Variants in FBN1 observed in about 807,000 individuals in gnomAD.
FBN1 encodes the protein fibrillin-1.
A neutral mutation model predicts 365.1 loss-of-function variants in FBN1; 29 were observed. The observed-to-expected ratio is 0.08, with a 90% CI of 0.06 to 0.11. The LOEUF is 0.11. Ranked by LOEUF, FBN1 falls within the 10% of genes least tolerant of loss-of-function variation. The pLI is 1.00. For missense variants in FBN1, 2,476 were observed against 3,703.2 expected (o/e 0.67, Z 8.60); for synonymous variants, 1,210 against 1,270.5 (o/e 0.95, Z 1.01).
At chr15:48,569,871 T>C (rs939041535) in intron 6 of FBN1, among the ~76,000 whole-genome samples, 1 of 152,114 alleles carries the variant, frequency 6.6e-6, no homozygotes, top group Non-Finnish European at 1.5e-5. Context: ...TAGATTGTGG[T>C]AATGGTTGCA....
chr15:48,644,412 G>C (rs770666320), intron 2 of FBN1, 194 bp downstream of exon 2: 127 of 734,334 alleles, frequency 1.7e-4, no homozygotes, highest in Admixed American at 4.5e-4. Context: ...CTCTCCTTTG[G>C]GGCAGAAATC....
Position 48,485,361 on chromosome 15 carries a change from A to G in FBN1, c.3712+13T>C, listed in dbSNP as rs747626560. The stretch of plus-strand genomic sequence containing the variant: ...CTACTGAGAGATTCAACATGAGGCT[A>G]GAACCTACTCACCGGTGCATGATCT... On this transcript the variant is annotated intron_variant, in intron 30 of 65. Coordinates refer to ENST00000316623, the MANE Select transcript of FBN1 (RefSeq NM_000138.5). The G allele has an allele frequency of 6.2e-7, 1 of 1,614,218 alleles. No homozygotes were observed. Among genetic ancestry groups the G allele is most frequent in the Admixed American group, 1.7e-5 (1 of 60,036 alleles).
chr15:48,620,055 A>G (rs1442646995), intron 2 of FBN1, among the ~76,000 whole-genome samples: 2 of 152,192 alleles, frequency 1.3e-5, no homozygotes, highest in African/African-American at 4.8e-5. Flanking sequence ...CCTGAGAGCC[A>G]TGGTCGGGGG....
chr15:48,468,019 C>T lies in FBN1; in HGVS notation c.4666G>A (p.Gly1556Ser), dbSNP rs766722922. 1 of 1,614,070 alleles carries T rather than the reference C, an allele frequency of 6.2e-7. No individual in the cohort carries two copies. Among genetic ancestry groups the T allele is most frequent in the Non-Finnish European group, 8.5e-7 (1 of 1,179,968 alleles). ...DTACSNEIGV[G>S]VSKASCCCSL... ...CAGCAGCAGGAAGCTTTGGAAACAC[C>T]AACTCCAATTTCATTGCTGCAGGCT... Residue 1556 changes from glycine (G) to serine (S), a missense_variant, in exon 38 of 66, where the codon GGT becomes AGT. Gly to Ser is a moderately conservative substitution (Grantham distance 56). Around this residue, in one of 5 missense-constraint regions of FBN1, gnomAD observed 1,780 missense variants for 2,840.8 expected, o/e 0.63. Transcript: ENST00000316623.
At chr15:48,618,407 G>A (rs181180964) in intron 2 of FBN1, among the ~76,000 whole-genome samples, 10 of 152,028 alleles carry the variant, frequency 6.6e-5, no homozygotes, top group African/African-American at 1.2e-4. Context: ...CTATTCTAAC[G>A]AACCTTTCAA....
In FBN1 at chr15:48,428,541, T is replaced by TTCCTTCCTTCCTCCC. The variant is rs2043000244; in HGVS notation, c.6872-71_6872-70insGGGAGGAAGGAAGGA. On this transcript the variant is annotated intron_variant, in intron 56 of 65. Transcript: ENST00000316623. The stretch of plus-strand genomic sequence containing the variant: ...ACCATTTTATAGAGGATGGAGCTCC[T>TTCCTTCCTTCCTCCC]TCCTTCGTTCCTTCCTTCCTCCCTC... 29 of 1,507,504 alleles carry TTCCTTCCTTCCTCCC rather than the reference T, an allele frequency of 1.9e-5. No individual in the cohort carries two copies. The South Asian group carries it at 2.3e-4, about 12-fold the overall frequency. The allele number at this position is 1,507,504 out of a possible 1,614,324, so 93.4% of individuals were successfully genotyped here.
At chr15:48,613,186 A>T in intron 2 of FBN1, 94 bp from the exon 3 acceptor site, 1 of 924,736 alleles carries the variant, frequency 1.1e-6, no homozygotes, top group East Asian at 2.4e-5. Flanking sequence ...GAGTTATAAA[A>T]GCAAGATGAA....
At position 48,644,641 on chromosome 15, in the gene FBN1, C is replaced by A; in HGVS notation, c.129G>T (p.Lys43Asn). The A allele has an allele frequency of 1.2e-6, 2 of 1,614,044 alleles. No individual in the cohort carries two copies. The highest frequency in any genetic ancestry group is 1.7e-6 in the Non-Finnish European group (2 of 1,180,034). Residue 43 changes from lysine (K) to asparagine (N), a missense_variant, in exon 2 of 66, where the codon AAG becomes AAT. This residue lies in a region of FBN1 where 76 missense variants were observed against 85.4 expected (regional missense o/e 0.89). Transcript: ENST00000316623. ...CGTCGTGTCCTCCACCGCCTCTTCT[C>A]TTGGCCCGACTGGCTCTGGTTTCCT... ...NVKETRASRA[K>N]RRGGGGHDAL...
At chr15:48,563,823 G>A (rs549125827) in intron 6 of FBN1, among the ~76,000 whole-genome samples, 2 of 152,260 alleles carry the variant, frequency 1.3e-5, no homozygotes, top group South Asian at 4.1e-4. Context: ...GTGCAGAGCC[G>A]TAGAGGCACA....
chr15:48,608,768 G>A (rs1293912250), intron 4 of FBN1, among the ~76,000 whole-genome samples: 3 of 152,090 alleles, frequency 2.0e-5, no homozygotes, highest in Non-Finnish European at 2.9e-5. Flanking sequence ...GACTAAATCT[G>A]GCCCCAGGAC....
intron 2 of FBN1, among the ~76,000 whole-genome samples, chr15:48,627,370 G>A (rs530631580): frequency 1.9e-4 from 29 of 152,260 alleles, no homozygotes; most frequent in Admixed American, 1.6e-3. Flanking sequence ...TGCACCCTCC[G>A]GTAAAAACAT....
intron 6 of FBN1, among the ~76,000 whole-genome samples, chr15:48,583,235 G>A (rs2044409484): frequency 6.6e-6 from 1 of 152,324 alleles, no homozygotes; most frequent in East Asian, 1.9e-4. Flanking sequence ...CTTCGTCTTA[G>A]AACAATTTCT....
At chr15:48,478,239 G>GTTT (rs1399310234) in intron 32 of FBN1, among the ~76,000 whole-genome samples, 1 of 152,160 alleles carries the variant, frequency 6.6e-6, no homozygotes, top group African/African-American at 2.4e-5. Flanking sequence ...CACCCATGGA[G>GTTT]TTTTCACAGG....
At chr15:48,642,842 G>C (rs1261174643) in intron 2 of FBN1, 1 of 152,186 alleles carries the variant, frequency 6.6e-6, no homozygotes, top group Non-Finnish European at 1.5e-5. Flanking sequence ...ATCAAATACT[G>C]TGAGGAGCAC....
intron 6 of FBN1, among the ~76,000 whole-genome samples, chr15:48,545,527 TAGAC>T (rs1435583569): frequency 6.6e-6 from 1 of 152,096 alleles, no homozygotes; most frequent in African/African-American, 2.4e-5. Context: ...GTCAAATTCA[TAGAC>T]AGCAGTGCAA....
At chr15:48,464,132 A>C in intron 40 of FBN1, 111 bp from the exon 41 acceptor site, 1 of 1,043,120 alleles carries the variant, frequency 9.6e-7, no homozygotes, top group Admixed American at 1.9e-5. Context: ...GGTATTTTCA[A>C]ATAAGATAAC....
At chr15:48,448,402 C>T (rs919480973) in intron 46 of FBN1, among the ~76,000 whole-genome samples, 1 of 152,098 alleles carries the variant, frequency 6.6e-6, no homozygotes, top group Non-Finnish European at 1.5e-5. Context: ...GAATCTGGTA[C>T]ACACTATAAA....
chr15:48,542,821 G>A (rs866700524), intron 6 of FBN1, among the ~76,000 whole-genome samples: 2 of 109,206 alleles, frequency 1.8e-5, no homozygotes, highest in African/African-American at 2.7e-5. Flanking sequence ...GTGTGTGTGT[G>A]TGTGTGTGTA....
intron 2 of FBN1, among the ~76,000 whole-genome samples, chr15:48,636,483 T>G (rs1313171930): frequency 6.6e-6 from 1 of 152,040 alleles, no homozygotes; most frequent in African/African-American, 2.4e-5. Context: ...CAACAGACAC[T>G]CACTCTGAGC....
Sources: allele counts gnomAD v4.1 joint callset (sites outside exome capture counted in the v4.1 genomes callset), GRCh38; gene constraint gnomAD v4.1.1; regional missense constraint gnomAD v4.1.1; transcripts MANE v1.5; gene names NCBI Gene and HGNC (gene_info 2026-07-23, HGNC 2026-07-21).